KIAA0825: variants seen among roughly 807,000 people sequenced by gnomAD.
KIAA0825 encodes KIAA0825.
Under a neutral mutation model 147.6 loss-of-function variants are expected in KIAA0825, and 119 were observed. The ratio of observed to expected loss-of-function variants is 0.81; its 90% CI spans 0.69 to 0.94. The LOEUF is 0.94. Among genes scored for constraint, KIAA0825 ranks in the 40% least tolerant of loss-of-function variants. The pLI is 0.00. For synonymous variants in KIAA0825, 470 were observed against 518.1 expected (o/e 0.91, Z 1.26); for missense variants, 1,381 against 1,472.7 (o/e 0.94, Z 1.02).
intron 14 of KIAA0825, among the ~76,000 whole-genome samples, chr5:94,423,286 C>G (rs891615584): frequency 2.0e-5 from 3 of 152,124 alleles, no homozygotes; most frequent in African/African-American, 7.2e-5. Flanking sequence ...CAGTAAAAAT[C>G]CTAGTAGTAA....
intron 16 of KIAA0825, among the ~76,000 whole-genome samples, chr5:94,397,323 A>T (rs1201653711): frequency 6.6e-6 from 1 of 152,146 alleles, no homozygotes; most frequent in African/African-American, 2.4e-5. Context: ...AACATCGCTT[A>T]GATGTAGGTT....
At chr5:94,609,540 A>G (rs1489709421) in intron 1 of KIAA0825, among the ~76,000 whole-genome samples, 1 of 152,186 alleles carries the variant, frequency 6.6e-6, no homozygotes, top group Non-Finnish European at 1.5e-5. Context: ...TTTTAAGATT[A>G]CTGAGACCAA....
chr5:94,496,785 A>C (rs749788847), intron 5 of KIAA0825, among the ~76,000 whole-genome samples: 3 of 152,126 alleles, frequency 2.0e-5, no homozygotes, highest in Non-Finnish European at 4.4e-5. Context: ...TGAGGCCCTG[A>C]ATTTTGGGTT....
chr5:94,599,127 T>C (rs144221067), intron 1 of KIAA0825, among the ~76,000 whole-genome samples: 275 of 152,230 alleles, frequency 1.8e-3, no homozygotes, highest in African/African-American at 5.8e-3. Context: ...CTGTGCATCT[T>C]TGATAGCATT....
intron 3 of KIAA0825, among the ~76,000 whole-genome samples, chr5:94,535,114 G>A (rs1184241240): frequency 6.6e-6 from 1 of 151,564 alleles, no homozygotes; most frequent in East Asian, 1.9e-4. Flanking sequence ...TAGTATAAAG[G>A]GCAAATACAA....
At chr5:94,154,818 A>G (rs975200228) in intron 20 of KIAA0825, among the ~76,000 whole-genome samples, 1 of 152,146 alleles carries the variant, frequency 6.6e-6, no homozygotes. Context: ...ACCCGAGCAC[A>G]CTTACTTCTT....
At chr5:94,351,624 A>T (rs1783682579) in intron 20 of KIAA0825, among the ~76,000 whole-genome samples, 1 of 152,220 alleles carries the variant, frequency 6.6e-6, no homozygotes, top group Admixed American at 6.5e-5. Context: ...AAGAGCCTGC[A>T]TAGCCAAAGC....
At chr5:94,471,319 C>T (rs925306618) in intron 9 of KIAA0825, 147 bp downstream of exon 9, 4 of 876,932 alleles carry the variant, frequency 4.6e-6, no homozygotes, top group Admixed American at 2.9e-5. Flanking sequence ...TTTGATATTT[C>T]CTAGTTAAGA....
At chr5:94,412,733 A>G (rs564721277) in intron 15 of KIAA0825, among the ~76,000 whole-genome samples, 2 of 152,026 alleles carry the variant, frequency 1.3e-5, no homozygotes, top group African/African-American at 2.4e-5. Context: ...TTTACTTATC[A>G]TATCACCTAG....
intron 5 of KIAA0825, among the ~76,000 whole-genome samples, chr5:94,497,594 CA>C (rs947571558): frequency 1.3e-5 from 2 of 152,096 alleles, no homozygotes; most frequent in African/African-American, 4.8e-5. Flanking sequence ...ATATAAAAAA[CA>C]AGTCACAGAG....
In KIAA0825 at chr5:94,400,993, AG is replaced by A. The variant is rs1248146061; in HGVS notation, c.2887+2575del. Among the ~76,000 whole-genome samples, 3 of 152,108 alleles carry A rather than the reference AG, an allele frequency of 2.0e-5. No homozygotes were observed. The East Asian group carries it at 5.8e-4, about 29-fold the overall frequency. On this transcript the variant is annotated intron_variant, in intron 16 of 20. Transcript: ENST00000682413. Reference sequence around the variant, plus strand: ...TTTAGTAAGTTAGATTTTTTTTTAAAGACCTTTAAACATTTATAATTAGTTA... The same window carrying A: ...TTTAGTAAGTTAGATTTTTTTTTAAAACCTTTAAACATTTATAATTAGTTA...
intron 20 of KIAA0825, among the ~76,000 whole-genome samples, chr5:94,285,323 A>AT (rs1039643013): frequency 3.9e-4 from 60 of 152,164 alleles, no homozygotes; most frequent in African/African-American, 3.6e-4. Flanking sequence ...ACAAATAATT[A>AT]TTTTTTTTAA....
chr5:94,467,339 T>C (rs940401825), intron 10 of KIAA0825, among the ~76,000 whole-genome samples: 1 of 152,236 alleles, frequency 6.6e-6, no homozygotes, highest in African/African-American at 2.4e-5. Flanking sequence ...TCTGTTATTT[T>C]TGCAAACCCA....
chr5:94,401,997 G>T (rs1219583684), intron 16 of KIAA0825, among the ~76,000 whole-genome samples: 1 of 152,134 alleles, frequency 6.6e-6, no homozygotes, highest in Non-Finnish European at 1.5e-5. Context: ...AAGAACAATG[G>T]CATTCGCCTA....
chr5:94,562,712 C>T (rs980733632), intron 2 of KIAA0825, among the ~76,000 whole-genome samples: 2 of 152,160 alleles, frequency 1.3e-5, no homozygotes, highest in African/African-American at 4.8e-5. Flanking sequence ...TTGATATGAG[C>T]TCCTTGTTGC....
chr5:94,340,792 T>C (rs1723272650), intron 20 of KIAA0825, among the ~76,000 whole-genome samples: 1 of 152,104 alleles, frequency 6.6e-6, no homozygotes, highest in South Asian at 2.1e-4. Context: ...CTTGATGGAG[T>C]CAGGTTGTAG....
At chr5:94,511,668 T>C (rs1235057842) in intron 5 of KIAA0825, among the ~76,000 whole-genome samples, 2 of 151,490 alleles carry the variant, frequency 1.3e-5, no homozygotes, top group Non-Finnish European at 2.9e-5. Flanking sequence ...TAAATAACAA[T>C]TTTGGGGCAG....
rs1213536180 is a variant in KIAA0825, at chr5:94,590,148, C to T, written c.-152-7565G>A. ...TAGCTGGGACTACAGGCATGCGCCA[C>T]CACACCTGGCTAATTTTTGCATTTT... On this transcript the variant is annotated intron_variant, in intron 1 of 20. Transcript: ENST00000682413. 4.6e-5 allele frequency among the ~76,000 whole-genome samples: 7 copies of T among 152,140 alleles called. No individual in the cohort carries two copies. The East Asian group carries it at 9.6e-4, about 21-fold the overall frequency.
intron 6 of KIAA0825, 125 bp downstream of exon 6, chr5:94,484,644 A>G (rs7731374): frequency 0.054 from 31,849 of 590,382 alleles, 2,778 homozygotes; most frequent in African/African-American, 0.29. Context: ...GCATTATACC[A>G]AATGCTTATT....
Sources: gnomAD v4.1 joint callset for allele counts (sites outside exome capture counted in the v4.1 genomes callset) on GRCh38, gnomAD v4.1.1 for gene constraint, MANE v1.5 for transcripts, NCBI Gene and HGNC (gene_info 2026-07-23, HGNC 2026-07-21) for gene names.